The following ACVR1C variants were observed in gnomAD, a reference collection of about 807,000 sequenced individuals.
ACVR1C encodes activin receptor type-1C.
A neutral mutation model predicts 57.9 loss-of-function variants in ACVR1C; 23 were observed. The ratio of observed to expected loss-of-function variants is 0.40; its 90% CI spans 0.29 to 0.56. ACVR1C has a LOEUF of 0.56. ACVR1C is among the 20% of genes least tolerant of loss of function. The probability of loss-of-function intolerance (pLI) is 0.50; values close to 1 mark genes in which losing one functional copy is unlikely to be tolerated. For synonymous variants in ACVR1C, 214 were observed against 215.3 expected (o/e 0.99, Z 0.05); for missense variants, 480 against 607.9 (o/e 0.79, Z 2.21).
intron 1 of ACVR1C, chr2:157,597,562 C>T: frequency 3.0e-6 from 3 of 985,470 alleles, no homozygotes; most frequent in South Asian, 4.7e-5. Flanking sequence ...CAGCGCAACC[C>T]CCAGGAGACG....
chr2:157,533,857 C>T lies in ACVR1C; in HGVS notation c.*61G>A, dbSNP rs1687416337. 2 of 1,443,480 alleles carry T rather than the reference C, an allele frequency of 1.4e-6. No individual in the cohort carries two copies. Among genetic ancestry groups the T allele is most frequent in the Non-Finnish European group, 1.8e-6 (2 of 1,096,762 alleles). The allele number at this position is 1,443,480 out of a possible 1,614,324, so 89.4% of individuals were successfully genotyped here. ...AAAAAAAAAATGGCAAAAACATTCA[C>T]ATAAAGGGGAAAATGGAAAAGAAAG... On this transcript the variant is annotated 3_prime_UTR_variant, in exon 9 of 9. Coordinates refer to ENST00000243349, the MANE Select transcript of ACVR1C (RefSeq NM_145259.3).
intron 1 of ACVR1C, among the ~76,000 whole-genome samples, chr2:157,607,589 G>T (rs567367485): frequency 1.3e-5 from 2 of 151,648 alleles, no homozygotes; most frequent in African/African-American, 4.8e-5. Context: ...CTACTCTTCA[G>T]ATCTATGAGC....
rs754895497 is a variant in ACVR1C, at chr2:157,619,954, C to CA, written c.73+8617dup. ...TTAAAAGGATAATAAGGAAATGTGG[C>CA]AAAAAAAAACTTCATGGTAATGGCA... On this transcript the variant is annotated intron_variant, in intron 1 of 8. Coordinates refer to ENST00000243349, the MANE Select transcript of ACVR1C (RefSeq NM_145259.3). 3.3e-3 allele frequency among the ~76,000 whole-genome samples: 502 copies of CA among 150,134 alleles called. 2 individuals are homozygous for CA. The highest frequency in any genetic ancestry group is 0.01 in the African/African-American group (410 of 40,980).
intron 1 of ACVR1C, among the ~76,000 whole-genome samples, chr2:157,616,319 T>A (rs1324510850): frequency 6.6e-6 from 1 of 152,246 alleles, no homozygotes; most frequent in East Asian, 1.9e-4. Context: ...AATTTATGAT[T>A]CTTTCTTTGG....
chr2:157,600,486 A>G (rs143451383), intron 1 of ACVR1C, among the ~76,000 whole-genome samples: 153 of 152,358 alleles, frequency 1.0e-3, no homozygotes, highest in Non-Finnish European at 1.7e-3. Context: ...TACAAGATTG[A>G]AGAGATAGAA....
At chr2:157,609,198 A>C (rs1182206308) in intron 1 of ACVR1C, among the ~76,000 whole-genome samples, 1 of 151,048 alleles carries the variant, frequency 6.6e-6, no homozygotes, top group Non-Finnish European at 1.5e-5. Context: ...CTTTTTTTTA[A>C]ATTTCCATCT....
chr2:157,587,093 A>T (rs914543831), intron 2 of ACVR1C, 94 bp downstream of exon 2: 4 of 1,145,082 alleles, frequency 3.5e-6, no homozygotes, highest in Non-Finnish European at 2.5e-6. Flanking sequence ...AGATTTTCCT[A>T]TTTAAAGAAA....
At chr2:157,616,498 T>C (rs571037152) in intron 1 of ACVR1C, among the ~76,000 whole-genome samples, 2 of 152,288 alleles carry the variant, frequency 1.3e-5, no homozygotes, top group East Asian at 3.9e-4. Context: ...ATAGTTATTT[T>C]AAATTCCTTG....
intron 1 of ACVR1C, among the ~76,000 whole-genome samples, chr2:157,599,758 C>T (rs1360115158): frequency 6.6e-6 from 1 of 152,156 alleles, no homozygotes; most frequent in African/African-American, 2.4e-5. Flanking sequence ...TTATAATCAA[C>T]TCCTGAAGGA....
chr2:157,549,461 A>C (rs76892693), intron 4 of ACVR1C, among the ~76,000 whole-genome samples: 2,627 of 152,190 alleles, frequency 0.017, 82 homozygotes, highest in African/African-American at 0.06. Flanking sequence ...AATGGGTAAA[A>C]CTGGCGTGGC....
intron 1 of ACVR1C, among the ~76,000 whole-genome samples, chr2:157,606,379 T>C (rs2105144264): frequency 6.6e-6 from 1 of 152,006 alleles, no homozygotes; most frequent in African/African-American, 2.4e-5. Flanking sequence ...ATCTCCATAT[T>C]GTTTTCCATA....
chr2:157,554,201 G>GAGAGAAAGAAAGAA (rs1553481316), intron 3 of ACVR1C, among the ~76,000 whole-genome samples: 1 of 41,440 alleles, frequency 2.4e-5, no homozygotes, highest in African/African-American at 1.4e-4. Flanking sequence ...ATAAAGAAGA[G>GAGAGAAAGAAAGAA]AGAAAGAAAG....
rs1175584338 is a variant in ACVR1C, at chr2:157,569,766, C to T, written c.305-13434G>A. Reference sequence around the variant, plus strand: ...AGTCCAGGACCAGATGGATTCACAGCCGAATTCCACCAGAGGTACAAGGAG... The same window carrying T: ...AGTCCAGGACCAGATGGATTCACAGTCGAATTCCACCAGAGGTACAAGGAG... On this transcript the variant is annotated intron_variant, in intron 2 of 8. Coordinates refer to ENST00000243349, the MANE Select transcript of ACVR1C (RefSeq NM_145259.3). Among the ~76,000 whole-genome samples, 4 of 26,776 alleles carry T rather than the reference C, an allele frequency of 1.5e-4. No individual in the cohort carries two copies. In the South Asian group the frequency reaches 6.4e-3, roughly 43 times the overall value. 17.6% of individuals were successfully genotyped at this position (26,776 alleles called of 152,430 possible).
intron 2 of ACVR1C, among the ~76,000 whole-genome samples, chr2:157,580,521 C>T (rs943219029): frequency 6.6e-6 from 1 of 152,190 alleles, no homozygotes; most frequent in African/African-American, 2.4e-5. Flanking sequence ...CTTAGAATTT[C>T]CATTTTTGCC....
chr2:157,540,905 T>A (rs1223262549), intron 7 of ACVR1C, among the ~76,000 whole-genome samples, 185 bp downstream of exon 7: 1 of 152,186 alleles, frequency 6.6e-6, no homozygotes, highest in Non-Finnish European at 1.5e-5. Flanking sequence ...GTAATCACAA[T>A]ATAAAATCTC....
intron 1 of ACVR1C, among the ~76,000 whole-genome samples, chr2:157,591,887 G>C (rs797003847): frequency 6.6e-6 from 1 of 151,944 alleles, no homozygotes; most frequent in Non-Finnish European, 1.5e-5. Context: ...ACTGACTTAC[G>C]TAACAGTCTC....
Position 157,628,716 on chromosome 2 carries a change from C to G in ACVR1C, c.-72G>C, listed in dbSNP as rs1682963379. On this transcript the variant is annotated 5_prime_UTR_variant, in exon 1 of 9. Coordinates refer to ENST00000243349, the MANE Select transcript of ACVR1C (RefSeq NM_145259.3). Reference sequence around the variant, plus strand: ...GAGGCAGCCGGGGCAGCACGGCCCGCTTTGAAGTTCCCGGGCCGCGGGAGG... The same window carrying G: ...GAGGCAGCCGGGGCAGCACGGCCCGGTTTGAAGTTCCCGGGCCGCGGGAGG... 7.5e-6 allele frequency: 10 copies of G among 1,331,486 alleles called. No homozygotes were observed. The highest frequency in any genetic ancestry group is 9.9e-6 in the Non-Finnish European group (10 of 1,011,056). 82.5% of individuals were successfully genotyped at this position (1,331,486 alleles called of 1,614,324 possible).
At position 157,628,786 on chromosome 2, in the gene ACVR1C, G is replaced by A. The variant is rs920606508; in HGVS notation, c.-142C>T. ...CTTTTGAAGTGCGCGGTTGGCTCTA[G>A]TCAGTGTGGGCGCCCCCCTCCCCGG... On this transcript the variant is annotated 5_prime_UTR_variant, in exon 1 of 9. Transcript: ENST00000243349. 4.8e-6 allele frequency: 3 copies of A among 624,732 alleles called. No homozygotes were observed. Among genetic ancestry groups the A allele is most frequent in the Admixed American group, 4.2e-5 (1 of 23,652 alleles). 38.7% of individuals were successfully genotyped at this position (624,732 alleles called of 1,614,324 possible). A position where few individuals can be genotyped will look rare whatever the true frequency, so the allele number is the denominator to read the frequency against.
chr2:157,541,454 T>C (rs1214515124), intron 6 of ACVR1C, among the ~76,000 whole-genome samples: 3 of 152,322 alleles, frequency 2.0e-5, no homozygotes, highest in Admixed American at 2.0e-4. Context: ...ATAGCCATGT[T>C]TGAACAAGAG....
Sources: allele counts gnomAD v4.1 joint callset (sites outside exome capture counted in the v4.1 genomes callset), GRCh38; gene constraint gnomAD v4.1.1; transcripts MANE v1.5; gene names NCBI Gene and HGNC (gene_info 2026-07-23, HGNC 2026-07-21).